CSTF2: variants seen among roughly 807,000 people sequenced by gnomAD.
The protein encoded by CSTF2 is CF-1 64 kDa subunit.
CSTF2 carries 8 observed loss-of-function variants against 45.4 expected under a neutral mutation model. That is an observed-to-expected ratio of 0.18 (90% CI 0.10 to 0.32). The LOEUF is 0.32. Among genes scored for constraint, CSTF2 ranks in the 10% least tolerant of loss-of-function variants. CSTF2 has a pLI of 1.00. For missense variants in CSTF2, 253 were observed against 477.1 expected (o/e 0.53, Z 4.38); for synonymous variants, 155 against 158.9 (o/e 0.98, Z 0.18).
At chrX:100,833,789 G>A (rs2084991400) in intron 11 of CSTF2, among the ~76,000 whole-genome samples, 1 of 111,923 alleles carries the variant, frequency 8.9e-6, no homozygotes, top group African/African-American at 3.2e-5. Context: ...TTTTTTCCAA[G>A]ATATACTTGC....
chrX:100,838,909 G>A (rs937424730), intron 13 of CSTF2, among the ~76,000 whole-genome samples: 1 of 110,067 alleles, frequency 9.1e-6, no homozygotes. Context: ...TTTGGAGATC[G>A]CTGTACCCTG....
chrX:100,822,484 A>G, intron 3 of CSTF2, 64 bp downstream of exon 3: 1 of 1,089,887 alleles, frequency 9.2e-7, no homozygotes. Context: ...AAGATTTTCC[A>G]TTTCTGATAT....
intron 1 of CSTF2, 180 bp downstream of exon 1, chrX:100,820,654 G>A (rs1569437479): frequency 3.7e-6 from 2 of 538,540 alleles, no homozygotes. Flanking sequence ...CCGAGGTCTC[G>A]TAGGCTTTCC....
intron 7 of CSTF2, 105 bp downstream of exon 7, chrX:100,826,862 A>T: frequency 1.3e-6 from 1 of 774,061 alleles, no homozygotes; most frequent in Admixed American, 3.3e-5. Context: ...GGTAAAATTA[A>T]TACACAGCTA....
chrX:100,822,991 TTC>T (rs2084927317), intron 3 of CSTF2, among the ~76,000 whole-genome samples: 1 of 112,145 alleles, frequency 8.9e-6, no homozygotes, highest in Non-Finnish European at 1.9e-5. Context: ...TAGCGTATTT[TTC>T]TCTTTTAACC....
Position 100,837,335 on chromosome X carries a change from A to G in CSTF2, c.1501-4A>G, listed in dbSNP as rs768320891. 23 of 1,186,619 alleles carry G rather than the reference A, an allele frequency of 1.9e-5. No homozygotes were observed. The highest frequency in any genetic ancestry group is 2.5e-5 in the Non-Finnish European group (22 of 878,734). ...AAATCTCTCTTTTCTCTTTGTACAC[A>G]TAGGTCCCAGTCATGCAGGGAACAG... On this transcript the variant is annotated splice_region_variant and splice_polypyrimidine_tract_variant and intron_variant, in intron 11 of 13. Coordinates refer to ENST00000372972, the MANE Select transcript of CSTF2 (RefSeq NM_001325.3).
intron 6 of CSTF2, among the ~76,000 whole-genome samples, chrX:100,826,179 G>A (rs1233617736): frequency 9.2e-6 from 1 of 109,114 alleles, no homozygotes; most frequent in Non-Finnish European, 1.9e-5. Context: ...GGACAGGAGT[G>A]AGAAAAGATT....
chrX:100,837,329 G>A lies in CSTF2; in HGVS notation c.1501-10G>A. The A allele has an allele frequency of 8.5e-7, 1 of 1,173,655 alleles. No homozygotes were observed. The highest frequency in any genetic ancestry group is 1.9e-5 in the South Asian group (1 of 53,225). On this transcript the variant is annotated splice_polypyrimidine_tract_variant and intron_variant, in intron 11 of 13. Transcript: ENST00000372972. ...TGCCAAAAATCTCTCTTTTCTCTTT[G>A]TACACATAGGTCCCAGTCATGCAGG... is the stretch of plus-strand genomic sequence containing the variant.
At chrX:100,829,879 A>G (rs1045895758) in intron 8 of CSTF2, among the ~76,000 whole-genome samples, 1 of 112,359 alleles carries the variant, frequency 8.9e-6, no homozygotes, top group Non-Finnish European at 1.9e-5. Flanking sequence ...TCTTCCTATT[A>G]TAGTTATCTT....
chrX:100,833,901 C>T (rs1453234857), intron 11 of CSTF2, among the ~76,000 whole-genome samples: 1 of 112,020 alleles, frequency 8.9e-6, no homozygotes, highest in Non-Finnish European at 1.9e-5. Context: ...TGAACCCTGA[C>T]TGGGAACCAC....
intron 7 of CSTF2, among the ~76,000 whole-genome samples, chrX:100,827,700 A>G (rs2084952557): frequency 8.9e-6 from 1 of 112,282 alleles, no homozygotes; most frequent in South Asian, 3.7e-4. Flanking sequence ...TTATCCTAAT[A>G]GAGTTATACT....
At chrX:100,828,498 C>A (rs2084956950) in intron 8 of CSTF2, among the ~76,000 whole-genome samples, 1 of 111,932 alleles carries the variant, frequency 8.9e-6, no homozygotes, top group South Asian at 3.7e-4. Context: ...GTATGGATAT[C>A]TGTTGACTGA....
intron 6 of CSTF2, among the ~76,000 whole-genome samples, chrX:100,825,837 G>A (rs2084941115): frequency 1.8e-5 from 2 of 111,608 alleles, no homozygotes; most frequent in Admixed American, 1.9e-4. Context: ...AGAGAGGTTA[G>A]CTGGTCCAAA....
At position 100,821,552 on chromosome X, in the gene CSTF2, T is replaced by C. The variant is rs1174565586; in HGVS notation, c.84T>C (p.Thr28=). ...VFVGNIPYEA[T]EEQLKDIFSE... ...TGGGGAACATTCCTTATGAAGCTAC[T>C]GAAGAGCAGTTGAAGGACATCTTTT... The change falls in exon 2 of 14, where the codon ACT becomes ACC. Residue 28 remains threonine (T), a synonymous_variant. Coordinates refer to ENST00000372972, the MANE Select transcript of CSTF2 (RefSeq NM_001325.3). The C allele has an allele frequency of 8.3e-7, 1 of 1,204,263 alleles. No individual in the cohort carries two copies. Among genetic ancestry groups the C allele is most frequent in the African/African-American group, 1.8e-5 (1 of 57,005 alleles).
intron 3 of CSTF2, 62 bp downstream of exon 3, chrX:100,822,482 C>A: frequency 1.8e-6 from 2 of 1,099,113 alleles, no homozygotes; most frequent in Non-Finnish European, 2.5e-6. Context: ...TGAAGATTTT[C>A]CATTTCTGAT....
Position 100,833,284 on chromosome X carries a change from C to T in CSTF2, c.1312C>T (p.Arg438Cys), listed in dbSNP as rs1438947729. Reference sequence around the variant, plus strand: ...ATTAGAGGCCCGTGCAATGGAGGCCCGTGCGATGGAAGCTCGTGCAATGGA... The same window carrying T: ...ATTAGAGGCCCGTGCAATGGAGGCCTGTGCGATGGAAGCTCGTGCAATGGA... ...RGLEARAMEARAMEARAMEAR... is the reference protein window; with the variant it reads ...RGLEARAMEACAMEARAMEAR... Residue 438 changes from arginine (R) to cysteine (C), a missense_variant, in exon 11 of 14, where the codon CGT (arginine) becomes TGT (cysteine). This residue lies in a region of CSTF2 where 200 missense variants were observed against 294.0 expected (regional missense o/e 0.68). Transcript: ENST00000372972. 24 of 1,207,380 alleles carry T rather than the reference C, an allele frequency of 2.0e-5. No individual in the cohort carries two copies. The Admixed American group carries it at 2.6e-4, about 13-fold the overall frequency.
Position 100,826,714 on chromosome X carries a change from A to G in CSTF2, c.783A>G (p.Pro261=), listed in dbSNP as rs200479963. The G allele has an allele frequency of 8.3e-7, 1 of 1,208,768 alleles. No homozygotes were observed. The highest frequency in any genetic ancestry group is 1.7e-5 in the African/African-American group (1 of 57,230). The change falls in exon 7 of 14, where the codon CCA becomes CCG. Residue 261 remains proline, a synonymous_variant. Transcript: ENST00000372972. ...GAGTTCCAGCACCAGGGCAAATGCCAGCTGCTGTCACAGGACCTGGCCCTG... is the reference window on the plus strand; with the variant it reads ...GAGTTCCAGCACCAGGGCAAATGCCGGCTGCTGTCACAGGACCTGGCCCTG... The part of the protein sequence containing the change: ...QGGVPAPGQM[P]AAVTGPGPGS...
intron 6 of CSTF2, among the ~76,000 whole-genome samples, chrX:100,825,288 A>C (rs968728482): frequency 9.0e-6 from 1 of 111,565 alleles, no homozygotes; most frequent in Non-Finnish European, 1.9e-5. Context: ...TTTATTTTCT[A>C]TATGATTTGT....
intron 8 of CSTF2, among the ~76,000 whole-genome samples, chrX:100,828,637 G>A (rs1451521072): frequency 8.9e-6 from 1 of 112,079 alleles, no homozygotes; most frequent in Non-Finnish European, 1.9e-5. Flanking sequence ...ATGTTGTACC[G>A]TGGCTGTACT....
Sources: gnomAD v4.1 joint callset for allele counts (sites outside exome capture counted in the v4.1 genomes callset) on GRCh38, gnomAD v4.1.1 for gene constraint, gnomAD v4.1.1 regional missense constraint, MANE v1.5 for transcripts, NCBI Gene and HGNC (gene_info 2026-07-23, HGNC 2026-07-21) for gene names.